ADGRL3: variants seen among roughly 807,000 people sequenced by gnomAD.
ADGRL3 encodes the protein adhesion G protein-coupled receptor L3, also known as calcium-independent alpha-latrotoxin receptor 3.
ADGRL3 carries 62 observed loss-of-function variants against 153.5 expected under a neutral mutation model. The observed-to-expected ratio is 0.40, with a 90% CI of 0.33 to 0.50. The LOEUF (loss-of-function observed/expected upper bound fraction) is 0.50. ADGRL3 is among the 20% of genes least tolerant of loss of function. The pLI is 0.47. For synonymous variants in ADGRL3, 710 were observed against 672.5 expected (o/e 1.06, Z -0.86); for missense variants, 1,641 against 1,859.4 (o/e 0.88, Z 2.16).
intron 1 of ADGRL3, among the ~76,000 whole-genome samples, chr4:61,349,749 T>C (rs543033915): frequency 5.9e-5 from 9 of 152,252 alleles, no homozygotes; most frequent in Middle Eastern, 3.4e-3. Flanking sequence ...ATGTCATTAT[T>C]TTTCCATTAA....
At chr4:61,896,420 C>T (rs2098631870) in intron 11 of ADGRL3, among the ~76,000 whole-genome samples, 1 of 152,070 alleles carries the variant, frequency 6.6e-6, no homozygotes, top group Admixed American at 6.6e-5. Flanking sequence ...GGGATGAATC[C>T]TTATTATAGC....
chr4:61,550,101 A>G (rs1181695032), intron 4 of ADGRL3, among the ~76,000 whole-genome samples: 2 of 152,022 alleles, frequency 1.3e-5, no homozygotes, highest in East Asian at 3.8e-4. Context: ...ATATTACAAT[A>G]GCACAAGGAG....
intron 2 of ADGRL3, among the ~76,000 whole-genome samples, chr4:61,418,363 T>C (rs528375298): frequency 6.6e-6 from 1 of 152,330 alleles, no homozygotes; most frequent in Non-Finnish European, 1.5e-5. Context: ...GTCTCTGCCA[T>C]AGCAATTGTC....
chr4:61,688,593 C>T (rs959345596), intron 6 of ADGRL3, among the ~76,000 whole-genome samples: 1 of 152,122 alleles, frequency 6.6e-6, no homozygotes, highest in Admixed American at 6.6e-5. Context: ...ATTAATACAC[C>T]TATTGCATGC....
At chr4:61,835,308 C>A (rs1376305) in intron 9 of ADGRL3, among the ~76,000 whole-genome samples, 1 of 130,660 alleles carries the variant, frequency 7.7e-6, no homozygotes, top group East Asian at 2.3e-4. Context: ...CTTAGGACCT[C>A]TCATGTGTGC....
intron 8 of ADGRL3, among the ~76,000 whole-genome samples, chr4:61,790,886 T>G (rs528694983): frequency 1.4e-4 from 21 of 152,250 alleles, no homozygotes; most frequent in African/African-American, 5.1e-4. Context: ...GGAACTCCTC[T>G]TTATGAAACC....
intron 15 of ADGRL3, among the ~76,000 whole-genome samples, chr4:61,937,773 C>T (rs1308044771): frequency 6.6e-6 from 1 of 152,164 alleles, no homozygotes; most frequent in Non-Finnish European, 1.5e-5. Context: ...ATCTATACAT[C>T]TATATACTCA....
In ADGRL3 at chr4:61,579,678, A is replaced by G. The variant is rs186020050; in HGVS notation, c.260-7549A>G. On this transcript the variant is annotated intron_variant, in intron 4 of 26. Coordinates refer to ENST00000683033, the MANE Select transcript of ADGRL3 (RefSeq NM_001387552.1). ...GTACCACTCATTAGAATTTTTTTCTATAAGTTCAGAAATTGTATATTAAAA... is the reference window on the plus strand; with the variant it reads ...GTACCACTCATTAGAATTTTTTTCTGTAAGTTCAGAAATTGTATATTAAAA... 9.5e-4 allele frequency: 439 copies of G among 459,706 alleles called. 2 individuals are homozygous for G. The highest frequency in any genetic ancestry group is 3.4e-3 in the Admixed American group (132 of 38,646). The allele number at this position is 459,706 out of a possible 1,614,324, so 28.5% of individuals were successfully genotyped here.
At chr4:61,216,360 A>T (rs768481275) in intron 1 of ADGRL3, among the ~76,000 whole-genome samples, 49 of 152,092 alleles carry the variant, frequency 3.2e-4, no homozygotes, top group Non-Finnish European at 5.7e-4. Flanking sequence ...ATAGTTTTTT[A>T]TCTCAGCTTT....
chr4:61,556,679 A>G (rs565688251), intron 4 of ADGRL3, among the ~76,000 whole-genome samples: 1 of 152,334 alleles, frequency 6.6e-6, no homozygotes, highest in Admixed American at 6.5e-5. Context: ...ACTGGGCCAG[A>G]AGATAATATG....
intron 8 of ADGRL3, among the ~76,000 whole-genome samples, chr4:61,753,227 T>TG (rs1201919684): frequency 8.2e-6 from 1 of 122,426 alleles, no homozygotes; most frequent in Admixed American, 8.3e-5. Context: ...CACATTTCTG[T>TG]GAAAAAAAAA....
chr4:61,879,818 C>A (rs2149471017), intron 9 of ADGRL3, among the ~76,000 whole-genome samples: 1 of 152,198 alleles, frequency 6.6e-6, no homozygotes, highest in Middle Eastern at 3.4e-3. Context: ...CTCCTGGGCT[C>A]AAGAAATCCT....
At chr4:61,674,797 G>C (rs2095131198) in intron 5 of ADGRL3, among the ~76,000 whole-genome samples, 1 of 151,924 alleles carries the variant, frequency 6.6e-6, no homozygotes, top group Non-Finnish European at 1.5e-5. Context: ...CATGTCACTT[G>C]ACTTGAAGAG....
intron 2 of ADGRL3, among the ~76,000 whole-genome samples, chr4:61,424,294 T>A (rs1156780341): frequency 6.6e-6 from 1 of 152,126 alleles, no homozygotes; most frequent in Non-Finnish European, 1.5e-5. Flanking sequence ...CTGTAACAGA[T>A]GTTTACCTTG....
In ADGRL3 at chr4:61,244,035, G is replaced by A. The variant is rs988738129; in HGVS notation, c.-240+42270G>A. 6.6e-5 allele frequency among the ~76,000 whole-genome samples: 10 copies of A among 151,968 alleles called. No individual in the cohort carries two copies. In the East Asian group the frequency reaches 1.5e-3, roughly 23 times the overall value. On this transcript the variant is annotated intron_variant, in intron 1 of 26. Coordinates refer to ENST00000683033, the MANE Select transcript of ADGRL3 (RefSeq NM_001387552.1). ...GTTGTTTGATAGAATGCAAAGACTA[G>A]GATCATATGTTGCTATCGGGTCTAC... is the stretch of plus-strand genomic sequence containing the variant.
intron 1 of ADGRL3, among the ~76,000 whole-genome samples, chr4:61,225,084 G>A (rs1004525352): frequency 6.6e-6 from 1 of 152,004 alleles, no homozygotes; most frequent in African/African-American, 2.4e-5. Flanking sequence ...TTTTATTGGT[G>A]GAAAAGGAAA....
intron 6 of ADGRL3, among the ~76,000 whole-genome samples, chr4:61,682,647 C>T (rs1280856400): frequency 4.1e-5 from 6 of 147,092 alleles, no homozygotes; most frequent in Non-Finnish European, 6.0e-5. Flanking sequence ...CTTAAGCAAT[C>T]TTCCCGCCTA....
intron 1 of ADGRL3, among the ~76,000 whole-genome samples, chr4:61,372,540 C>T (rs900768057): frequency 2.4e-4 from 36 of 152,316 alleles, no homozygotes; most frequent in African/African-American, 7.5e-4. Context: ...TTAGGCTGCT[C>T]GGGGGTCAGG....
At chr4:61,203,016 C>T (rs935789714) in intron 1 of ADGRL3, among the ~76,000 whole-genome samples, 1 of 152,196 alleles carries the variant, frequency 6.6e-6, no homozygotes, top group South Asian at 2.1e-4. Context: ...TGCCGTGTCC[C>T]CTTCCCCTGG....
Sources: allele counts gnomAD v4.1 joint callset (sites outside exome capture counted in the v4.1 genomes callset), GRCh38; gene constraint gnomAD v4.1.1; transcripts MANE v1.5; gene names NCBI Gene and HGNC (gene_info 2026-07-23, HGNC 2026-07-21).